Variants in KCTD13 observed in about 807,000 individuals in gnomAD.
KCTD13 encodes potassium channel tetramerization domain containing 13, also known as BTB/POZ domain-containing adapter for CUL3-mediated RhoA degradation protein 1.
KCTD13 carries 15 observed loss-of-function variants against 32.3 expected under a neutral mutation model. The observed-to-expected ratio is 0.46, with a 90% CI of 0.31 to 0.71. The LOEUF (loss-of-function observed/expected upper bound fraction) is 0.71. Among genes scored for constraint, KCTD13 ranks in the 30% least tolerant of loss-of-function variants. KCTD13 has a pLI of 0.05. For missense variants in KCTD13, 337 were observed against 452.6 expected (o/e 0.74, Z 2.32); for synonymous variants, 189 against 200.1 (o/e 0.94, Z 0.47).
At chr16:29,922,748 G>A (rs1322821498) in intron 2 of KCTD13, 2 of 385,810 alleles carry the variant, frequency 5.2e-6, no homozygotes, top group Non-Finnish European at 9.1e-6. Flanking sequence ...AAGCTCCTGG[G>A]GGGCGGAAGC....
intron 2 of KCTD13, chr16:29,920,272 T>C (rs8048433): frequency 0.59 from 90,403 of 151,940 alleles, 27,269 homozygotes; most frequent in African/African-American, 0.65. Context: ...TGCAGTGAGG[T>C]AAGATCGCGC....
At position 29,911,610 on chromosome 16, in the gene KCTD13, A is replaced by T; in HGVS notation, c.557+205T>A. On this transcript the variant is annotated intron_variant, in intron 4 of 5. Transcript: ENST00000568000. ...CGCCACTATCACTTTGTCCTCACCC[A>T]AACCCATTTACTGATGACTGAGCTG... The T allele has an allele frequency of 8.2e-6, 5 of 608,964 alleles. No homozygotes were observed. The South Asian group carries it at 9.8e-5, about 12-fold the overall frequency. 37.7% of individuals were successfully genotyped at this position (608,964 alleles called of 1,614,324 possible).
chr16:29,916,556 T>C (rs1206511975), intron 2 of KCTD13, among the ~76,000 whole-genome samples: 1 of 152,118 alleles, frequency 6.6e-6, no homozygotes, highest in Non-Finnish European at 1.5e-5. Flanking sequence ...AACAAATTAC[T>C]ACAAACTCAG....
intron 2 of KCTD13, chr16:29,914,273 T>G (rs2068769232): frequency 6.6e-6 from 1 of 151,552 alleles, no homozygotes; most frequent in Admixed American, 6.6e-5. Context: ...CTCAGTGATT[T>G]CCCCCCTCCC....
chr16:29,916,070 C>A (rs1168563571), intron 2 of KCTD13, among the ~76,000 whole-genome samples: 1 of 152,098 alleles, frequency 6.6e-6, no homozygotes, highest in African/African-American at 2.4e-5. Context: ...CTAGACCATC[C>A]GTTCCTTAGG....
At chr16:29,916,173 C>A (rs925684240) in intron 2 of KCTD13, among the ~76,000 whole-genome samples, 4 of 152,136 alleles carry the variant, frequency 2.6e-5, no homozygotes, top group African/African-American at 7.2e-5. Context: ...TTTCCAATAG[C>A]ATTTTCCTAA....
At chr16:29,918,010 C>A (rs1199694480) in intron 2 of KCTD13, among the ~76,000 whole-genome samples, 1 of 152,026 alleles carries the variant, frequency 6.6e-6, no homozygotes, top group Non-Finnish European at 1.5e-5. Context: ...CATTTTTAAA[C>A]AAGACCATAA....
At chr16:29,907,234 G>A (rs536963691) in intron 5 of KCTD13, 126 bp from the exon 6 acceptor site, 2 of 637,178 alleles carry the variant, frequency 3.1e-6, no homozygotes, top group African/African-American at 3.7e-5. Flanking sequence ...GCCTGGCCTG[G>A]CCTCTCTGCC....
intron 5 of KCTD13, among the ~76,000 whole-genome samples, chr16:29,908,992 T>C (rs2068659731): frequency 6.6e-6 from 1 of 152,016 alleles, no homozygotes; most frequent in African/African-American, 2.4e-5. Context: ...GCACTCTAAT[T>C]ATTGGTTTAT....
intron 2 of KCTD13, chr16:29,920,485 T>C (rs2068889795): frequency 6.6e-6 from 1 of 152,172 alleles, no homozygotes; most frequent in Admixed American, 6.5e-5. Context: ...GACATACCCA[T>C]ATGCAGTAGG....
Position 29,925,930 on chromosome 16 carries a change from G to A in KCTD13, c.104C>T (p.Pro35Leu). ...CACGTATTTGCTGTTCGGGGTCAGCGGCTTGAGACCGTAGGCGGCGGGGCC... is the reference window on the plus strand; with the variant it reads ...CACGTATTTGCTGTTCGGGGTCAGCAGCTTGAGACCGTAGGCGGCGGGGCC... The part of the protein sequence containing the change: ...EPGPAAYGLK[P>L]LTPNSKYVKL... The change falls in exon 1 of 6, where the codon CCG (proline) becomes CTG (leucine). Residue 35 changes from proline (P) to leucine (L), a missense_variant. This residue lies in a region of KCTD13 where 64 missense variants were observed against 59.6 expected (regional missense o/e 1.07). Coordinates refer to ENST00000568000, the MANE Select transcript of KCTD13 (RefSeq NM_178863.5). 1 of 1,614,032 alleles carries A rather than the reference G, an allele frequency of 6.2e-7. No homozygotes were observed.
At chr16:29,918,982 T>C (rs1193888852) in intron 2 of KCTD13, among the ~76,000 whole-genome samples, 2 of 151,828 alleles carry the variant, frequency 1.3e-5, no homozygotes, top group Non-Finnish European at 2.9e-5. Flanking sequence ...TTAATAGAGA[T>C]GGGGTTTCAC....
At chr16:29,924,007 T>C (rs1051452223) in intron 1 of KCTD13, among the ~76,000 whole-genome samples, 6 of 151,702 alleles carry the variant, frequency 4.0e-5, no homozygotes, top group African/African-American at 1.5e-4. Context: ...AAATCCCGTC[T>C]TTACTAAAAA....
intron 5 of KCTD13, among the ~76,000 whole-genome samples, chr16:29,908,223 G>C (rs1270204138): frequency 6.6e-6 from 1 of 152,116 alleles, no homozygotes; most frequent in East Asian, 1.9e-4. Flanking sequence ...AGTGCACCCA[G>C]TGTCTTACTG....
chr16:29,916,646 T>C (rs1474872078), intron 2 of KCTD13, among the ~76,000 whole-genome samples: 1 of 152,170 alleles, frequency 6.6e-6, no homozygotes, highest in Middle Eastern at 3.2e-3. Flanking sequence ...GGAGGACTGC[T>C]TGAGGTCAGG....
At chr16:29,910,025 G>A (rs1173171082) in intron 5 of KCTD13, among the ~76,000 whole-genome samples, 1 of 151,442 alleles carries the variant, frequency 6.6e-6, no homozygotes. Context: ...CTTGAATCTG[G>A]GAGGCAGAGG....
At chr16:29,921,144 T>A (rs966925340) in intron 2 of KCTD13, 1 of 152,090 alleles carries the variant, frequency 6.6e-6, no homozygotes, top group Non-Finnish European at 1.5e-5. Context: ...CAACAGAAAC[T>A]GATTCACAGC....
chr16:29,910,392 A>G (rs2068686245), intron 5 of KCTD13, among the ~76,000 whole-genome samples: 2 of 151,252 alleles, frequency 1.3e-5, no homozygotes, highest in South Asian at 2.1e-4. Flanking sequence ...ACGAGACTCC[A>G]TCTCAAATAA....
intron 5 of KCTD13, among the ~76,000 whole-genome samples, chr16:29,908,005 GAAAGAGATACATCAGGA>G (rs1355000387): frequency 7.3e-5 from 11 of 151,420 alleles, no homozygotes; most frequent in South Asian, 4.2e-4. Flanking sequence ...GAGAGAGAGA[GAAAGAGATACATCAGGA>G]AAAGAGATAC....
Sources: gnomAD v4.1 joint callset for allele counts (sites outside exome capture counted in the v4.1 genomes callset) on GRCh38, gnomAD v4.1.1 for gene constraint, gnomAD v4.1.1 regional missense constraint, MANE v1.5 for transcripts, NCBI Gene and HGNC (gene_info 2026-07-23, HGNC 2026-07-21) for gene names.